The following CALN1 variants were observed in gnomAD, a reference collection of about 807,000 sequenced individuals.
The protein encoded by CALN1 is calneuron 1, also known as calcium-binding protein 8.
A neutral mutation model predicts 30.6 loss-of-function variants in CALN1; 17 were observed. That is an observed-to-expected ratio of 0.56 (90% confidence interval 0.38 to 0.83). The LOEUF (loss-of-function observed/expected upper bound fraction) is 0.83. Among genes scored for constraint, CALN1 ranks in the 40% least tolerant of loss-of-function variants. The pLI, the probability that CALN1 is intolerant of heterozygous loss-of-function variation, is 0.00. For missense variants in CALN1, 291 were observed against 354.9 expected, an observed-to-expected ratio of 0.82 and a Z score of 1.45; for synonymous variants, 156 against 131.4, an observed-to-expected ratio of 1.19 and a Z score of -1.28.
chr7:72,247,942 A>T (rs1795304717), intron 3 of CALN1, among the ~76,000 whole-genome samples: 1 of 152,200 alleles, frequency 6.6e-6, no homozygotes, highest in African/African-American at 2.4e-5. Context: ...GGTTGCAGTG[A>T]GCTACAATCA....
intron 4 of CALN1, among the ~76,000 whole-genome samples, chr7:72,057,887 G>A (rs550455007): frequency 3.2e-4 from 49 of 152,266 alleles, no homozygotes; most frequent in Admixed American, 1.2e-3. Context: ...GTCTTCAAGC[G>A]TCTACATGAA....
At chr7:72,159,610 C>A (rs1228117089) in intron 3 of CALN1, among the ~76,000 whole-genome samples, 2 of 152,038 alleles carry the variant, frequency 1.3e-5, no homozygotes, top group Non-Finnish European at 2.9e-5. Flanking sequence ...CCCGCCTGGC[C>A]AACATGGTGA....
intron 4 of CALN1, among the ~76,000 whole-genome samples, chr7:72,078,094 T>C (rs920467793): frequency 2.6e-5 from 4 of 152,202 alleles, no homozygotes; most frequent in African/African-American, 9.7e-5. Flanking sequence ...ATTCATCATT[T>C]GCCAGTTGTT....
chr7:72,263,364 A>G lies in CALN1; in HGVS notation c.244+15322T>C, dbSNP rs1435769812. 3.3e-5 allele frequency among the ~76,000 whole-genome samples: 5 copies of G among 152,320 alleles called. No individual in the cohort carries two copies. In the East Asian group the frequency reaches 7.7e-4, roughly 23 times the overall value. ...TGGTGAAGTAGGTCAAATGCCATGC[A>G]TCTTCAACCATGCATTTTTATTTTA... On this transcript the variant is annotated intron_variant, in intron 3 of 6. Coordinates refer to ENST00000395275, the MANE Select transcript of CALN1 (RefSeq NM_031468.4).
chr7:72,232,409 A>G (rs1252627590), intron 3 of CALN1, among the ~76,000 whole-genome samples: 1 of 152,254 alleles, frequency 6.6e-6, no homozygotes, highest in East Asian at 1.9e-4. Context: ...ATGGTTAAAT[A>G]AGTTATTGTC....
intron 3 of CALN1, among the ~76,000 whole-genome samples, chr7:72,224,316 G>A (rs372181583): frequency 1.1e-4 from 17 of 152,102 alleles, no homozygotes; most frequent in Non-Finnish European, 1.9e-4. Flanking sequence ...ACAGGGCAAC[G>A]CCAGCACAAG....
At chr7:72,079,821 A>C (rs1805006201) in intron 4 of CALN1, among the ~76,000 whole-genome samples, 1 of 124,098 alleles carries the variant, frequency 8.1e-6, no homozygotes, top group South Asian at 2.6e-4. Context: ...CCCAGGCTGG[A>C]GTGCTGTGGC....
intron 5 of CALN1, among the ~76,000 whole-genome samples, chr7:71,866,297 G>A (rs991113537): frequency 1.1e-4 from 16 of 151,814 alleles, no homozygotes; most frequent in East Asian, 3.9e-4. Context: ...ATGAGGCACC[G>A]CGCCCAGCCA....
chr7:71,878,363 T>C (rs1792370449), intron 5 of CALN1, among the ~76,000 whole-genome samples: 1 of 151,582 alleles, frequency 6.6e-6, no homozygotes, highest in African/African-American at 2.4e-5. Flanking sequence ...GATCATGCCA[T>C]TGCACTCCAG....
Position 71,786,197 on chromosome 7 carries a change from AC to A in CALN1, c.*1577del, listed in dbSNP as rs767329779. On this transcript the variant is annotated 3_prime_UTR_variant, in exon 7 of 7. Coordinates refer to ENST00000395275, the MANE Select transcript of CALN1 (RefSeq NM_031468.4). ...GAGGGAGATCAGGAACACACAACGC[AC>A]CAAAAAATCCTACCCACTGCATAGA... The A allele has an allele frequency of 1.3e-5, 2 of 152,238 alleles. No homozygotes were observed. The highest frequency in any genetic ancestry group is 2.4e-5 in the African/African-American group (1 of 41,436). The allele number at this position is 152,238 out of a possible 1,614,324, so 9.4% of individuals were successfully genotyped here. A position where few individuals can be genotyped will look rare whatever the true frequency, so the allele number is the denominator to read the frequency against.
intron 3 of CALN1, among the ~76,000 whole-genome samples, chr7:72,187,757 C>T (rs183140596): frequency 6.6e-6 from 1 of 152,246 alleles, no homozygotes; most frequent in East Asian, 1.9e-4. Flanking sequence ...ACGTGTGATT[C>T]TTAGTCTTTT....
chr7:71,897,487 G>C lies in CALN1; in HGVS notation c.502-86995C>G, dbSNP rs565717278. On this transcript the variant is annotated intron_variant, in intron 5 of 6. Coordinates refer to ENST00000395275, the MANE Select transcript of CALN1 (RefSeq NM_031468.4). ...CAGCACACATTTCTTCCTGTCCAAG[G>C]ATAAAAGAACAGAAAACAAAAATTT... Among the ~76,000 whole-genome samples the C allele has an allele frequency of 1.5e-4, 23 of 152,090 alleles. 1 individual carries two copies. Among genetic ancestry groups the C allele is most frequent in the Admixed American group, 6.6e-5 (1 of 15,264 alleles).
intron 4 of CALN1, among the ~76,000 whole-genome samples, chr7:72,066,283 G>A (rs186512143): frequency 2.0e-5 from 3 of 152,336 alleles, no homozygotes; most frequent in Admixed American, 6.5e-5. Flanking sequence ...ACAATAAAGT[G>A]GGGGACAGAG....
At chr7:72,334,313 A>G (rs1290855032) in intron 2 of CALN1, among the ~76,000 whole-genome samples, 1 of 152,186 alleles carries the variant, frequency 6.6e-6, no homozygotes, top group Admixed American at 6.5e-5. Context: ...GGTAAAAGAC[A>G]CCACTGCACA....
rs1452635331 is a variant in CALN1 at position 72,412,266 on chromosome 7, A to G, written c.-282T>C. On this transcript the variant is annotated 5_prime_UTR_variant, in exon 1 of 7. Transcript: ENST00000395275. ...TTTAAAGGTGGCGCGGACCCAGAGT[A>G]AGCAGTAAGCTTTATTAAGAAGCAG... The G allele has an allele frequency of 6.6e-6, 1 of 152,128 alleles. No homozygotes were observed. The highest frequency in any genetic ancestry group is 6.5e-5 in the Admixed American group (1 of 15,272). The allele number at this position is 152,128 out of a possible 1,614,324, so 9.4% of individuals were successfully genotyped here. A position where few individuals can be genotyped will look rare whatever the true frequency, so the allele number is the denominator to read the frequency against.
At chr7:71,883,781 A>G (rs1003287456) in intron 5 of CALN1, among the ~76,000 whole-genome samples, 8 of 152,152 alleles carry the variant, frequency 5.3e-5, no homozygotes, top group African/African-American at 9.7e-5. Flanking sequence ...TGTGGTATAT[A>G]ATCGCTGGGT....
At chr7:71,933,785 A>G (rs1251019095) in intron 5 of CALN1, among the ~76,000 whole-genome samples, 3 of 152,146 alleles carry the variant, frequency 2.0e-5, no homozygotes, top group Non-Finnish European at 2.9e-5. Flanking sequence ...AGAGACTTTA[A>G]CATAAGGTAT....
At chr7:71,977,971 A>G (rs1232775248) in intron 5 of CALN1, among the ~76,000 whole-genome samples, 4 of 151,400 alleles carry the variant, frequency 2.6e-5, no homozygotes, top group Non-Finnish European at 5.9e-5. Flanking sequence ...AGAAAACCAA[A>G]ATCATCCCTC....
intron 1 of CALN1, among the ~76,000 whole-genome samples, chr7:72,425,987 A>G (rs1177140153): frequency 6.6e-6 from 1 of 152,236 alleles, no homozygotes; most frequent in Non-Finnish European, 1.5e-5. Flanking sequence ...GAGGAAGCCA[A>G]ATGCCTCAGG....
Sources: gnomAD v4.1 joint callset for allele counts (sites outside exome capture counted in the v4.1 genomes callset) on GRCh38, gnomAD v4.1.1 for gene constraint, MANE v1.5 for transcripts, NCBI Gene and HGNC (gene_info 2026-07-23, HGNC 2026-07-21) for gene names.